The following PAXIP1 variants were observed in gnomAD, a reference collection of about 807,000 sequenced individuals.
The protein encoded by PAXIP1 is PAX interacting protein 1, also known as PAX-interacting protein 1.
A neutral mutation model predicts 140.6 loss-of-function variants in PAXIP1; 19 were observed. The ratio of observed to expected loss-of-function variants is 0.14; its 90% CI spans 0.09 to 0.20. The LOEUF is 0.20. Ranked by LOEUF, PAXIP1 falls within the 10% of genes least tolerant of loss-of-function variation. The pLI is 1.00. For synonymous variants in PAXIP1, 442 were observed against 444.6 expected (o/e 0.99, Z 0.07); for missense variants, 920 against 1,208.6 (o/e 0.76, Z 3.54).
intron 7 of PAXIP1, 80 bp from the exon 8 acceptor site, chr7:154,967,990 C>G (rs368765240): frequency 4.8e-6 from 4 of 827,858 alleles, no homozygotes; most frequent in East Asian, 2.6e-5. Flanking sequence ...TGGCGCCTCA[C>G]AATGTCAATC....
Position 154,947,880 on chromosome 7 carries a change from T to C in PAXIP1, c.2922+23A>G. 4 of 1,524,092 alleles carry C rather than the reference T, an allele frequency of 2.6e-6. No homozygotes were observed. The East Asian group carries it at 9.0e-5, about 34-fold the overall frequency. The allele number at this position is 1,524,092 out of a possible 1,614,324, so 94.4% of individuals were successfully genotyped here. A position where few individuals can be genotyped will look rare whatever the true frequency, so the allele number is the denominator to read the frequency against. On this transcript the variant is annotated intron_variant, in intron 17 of 20. Coordinates refer to ENST00000404141, the MANE Select transcript of PAXIP1 (RefSeq NM_007349.4). ...CGTGTGTTATGCTTACTTGGACTGA[T>C]TTACTTTTCCCTTAAAGTGTACCTT...
At chr7:154,976,720 G>C (rs146015196) in intron 5 of PAXIP1, among the ~76,000 whole-genome samples, 19 of 152,320 alleles carry the variant, frequency 1.2e-4, no homozygotes, top group African/African-American at 4.6e-4. Context: ...ATGACAGTTA[G>C]TAAAGTAACA....
chr7:154,981,734 T>G (rs764681349), intron 5 of PAXIP1, among the ~76,000 whole-genome samples: 2 of 152,214 alleles, frequency 1.3e-5, no homozygotes, highest in Non-Finnish European at 2.9e-5. Context: ...TAAAGCTCAA[T>G]TAAAGTATTT....
intron 16 of PAXIP1, chr7:154,950,294 A>G (rs1808217143): frequency 6.6e-6 from 1 of 152,246 alleles, no homozygotes. Flanking sequence ...AAAATGGAAC[A>G]CAGACCTAAA....
intron 2 of PAXIP1, among the ~76,000 whole-genome samples, chr7:154,997,924 C>T (rs1325965268): frequency 6.6e-6 from 1 of 152,212 alleles, no homozygotes; most frequent in Non-Finnish European, 1.5e-5. Flanking sequence ...AGTTACCTCC[C>T]GACAGGCCTT....
In PAXIP1 at chr7:154,975,768, A is replaced by G; in HGVS notation, c.1002T>C (p.Ala334=). Reference sequence around the variant, plus strand: ...TAGTAATATTCCTCAGTGTCCGTACAGCTGGACTCCAGGTAGCTATCATTT... The same window carrying G: ...TAGTAATATTCCTCAGTGTCCGTACGGCTGGACTCCAGGTAGCTATCATTT... The part of the protein sequence containing the change: ...RSEMIATWSP[A]VRTLRNITNN... The change falls in exon 6 of 21, where the codon GCT becomes GCC. Residue 334 remains alanine (A), a synonymous_variant. Transcript: ENST00000404141. 6.2e-7 allele frequency: 1 copy of G among 1,613,970 alleles called. No homozygotes were observed. Among genetic ancestry groups the G allele is most frequent in the Non-Finnish European group, 8.5e-7 (1 of 1,179,828 alleles).
chr7:154,955,932 A>G (rs1457620600), intron 14 of PAXIP1, among the ~76,000 whole-genome samples: 2 of 152,230 alleles, frequency 1.3e-5, no homozygotes, highest in African/African-American at 2.4e-5. Flanking sequence ...ATTGGCTTTC[A>G]GAAGAAAGCA....
intron 16 of PAXIP1, chr7:154,948,308 A>G (rs1808091629): frequency 3.4e-6 from 1 of 291,338 alleles, no homozygotes; most frequent in Non-Finnish European, 6.6e-6. Context: ...CACTTTGGGA[A>G]GCCGGGGAAG....
At chr7:154,979,236 A>C (rs1809732752) in intron 5 of PAXIP1, among the ~76,000 whole-genome samples, 4 of 152,166 alleles carry the variant, frequency 2.6e-5, no homozygotes, top group Non-Finnish European at 5.9e-5. Context: ...AACAACTAAT[A>C]ACCATACCCC....
chr7:154,971,787 A>C (rs145973207), intron 6 of PAXIP1, among the ~76,000 whole-genome samples: 1 of 152,350 alleles, frequency 6.6e-6, no homozygotes, highest in East Asian at 1.9e-4. Flanking sequence ...TTTGCAATTT[A>C]AACAGGATTT....
At position 154,962,360 on chromosome 7, in the gene PAXIP1, T is replaced by C; in HGVS notation, c.2088A>G (p.Pro696=). The change falls in exon 10 of 21, where the codon CCA becomes CCG. Residue 696 remains proline (P), a synonymous_variant. Coordinates refer to ENST00000404141, the MANE Select transcript of PAXIP1 (RefSeq NM_007349.4). ...GCTTTCCTCCTGGTGGGAAGGCCAC[T>C]GGGAAGTGAAGGGCTCGGTGCGGCG... The part of the protein sequence containing the change: ...MVPPHRALHF[P]VAFPPGGKPC... 4 of 1,613,990 alleles carry C rather than the reference T, an allele frequency of 2.5e-6. No homozygotes were observed. Among genetic ancestry groups the C allele is most frequent in the Non-Finnish European group, 3.4e-6 (4 of 1,179,872 alleles).
intron 1 of PAXIP1, among the ~76,000 whole-genome samples, chr7:154,999,826 C>T (rs1175379033): frequency 1.3e-5 from 2 of 152,108 alleles, no homozygotes; most frequent in Admixed American, 1.3e-4. Flanking sequence ...TAGATGGGAG[C>T]CACAGCCATG....
At chr7:154,998,125 T>TA (rs1389215028) in intron 2 of PAXIP1, among the ~76,000 whole-genome samples, 2 of 152,216 alleles carry the variant, frequency 1.3e-5, no homozygotes, top group Non-Finnish European at 2.9e-5. Flanking sequence ...AGCCATGCTC[T>TA]ACCTTGGTTT....
At chr7:154,971,422 T>TA (rs1809320955) in intron 6 of PAXIP1, among the ~76,000 whole-genome samples, 1 of 152,258 alleles carries the variant, frequency 6.6e-6, no homozygotes. Context: ...GCCGTTGGCC[T>TA]GGAACCTTCT....
At chr7:154,992,957 A>G (rs1810417270) in intron 3 of PAXIP1, among the ~76,000 whole-genome samples, 1 of 152,224 alleles carries the variant, frequency 6.6e-6, no homozygotes, top group Non-Finnish European at 1.5e-5. Flanking sequence ...GCTGCAAAAT[A>G]AAATAGAGCA....
In PAXIP1 at chr7:154,944,152, G is replaced by A; in HGVS notation, c.3207C>T (p.Asn1069=). 1 of 1,610,806 alleles carries A rather than the reference G, an allele frequency of 6.2e-7. No homozygotes were observed. Among genetic ancestry groups the A allele is most frequent in the Non-Finnish European group, 8.5e-7 (1 of 1,177,984 alleles). ...ATGCACGGCAGCCTAGACGCCATCA[G>A]TTAAACTTATATGTAGGCTTGTTGA... ...QTLDYESYKF[N] The change falls in exon 21 of 21, where the codon AAC becomes AAT. Residue 1069 remains asparagine, a synonymous_variant. Coordinates refer to ENST00000404141, the MANE Select transcript of PAXIP1 (RefSeq NM_007349.4).
intron 17 of PAXIP1, 96 bp downstream of exon 17, chr7:154,947,807 G>A (rs1808065158): frequency 3.4e-6 from 3 of 875,924 alleles, no homozygotes; most frequent in African/African-American, 3.3e-5. Flanking sequence ...CAGCTCCCCT[G>A]GAGGCGCACT....
In PAXIP1 at chr7:154,946,564, T is replaced by C; in HGVS notation, c.3081A>G (p.Ile1027Met). Residue 1027 changes from isoleucine (I) to methionine (M), a missense_variant, in exon 19 of 21, where the codon ATA (isoleucine) becomes ATG (methionine). Ile to Met is a conservative substitution (Grantham distance 10). This residue lies in a region of PAXIP1 where 303 missense variants were observed against 517.9 expected (regional missense o/e 0.59). Transcript: ENST00000404141. This position sits in a 1 kb window ranked among gnomAD's most constrained non-coding sequence, Gnocchi z 4.9. ...ATAAATGAAGGTCATTTTCACAGGA[T>C]ATTAAAATTATTTCCGACAAACTCT... The part of the protein sequence containing the change: ...QNSSLSEIIL[I>M]SCENDLHLCR... 1 of 1,613,970 alleles carries C rather than the reference T, an allele frequency of 6.2e-7. No homozygotes were observed. Among genetic ancestry groups the C allele is most frequent in the Non-Finnish European group, 8.5e-7 (1 of 1,179,846 alleles).
chr7:154,980,625 G>C (rs1484118737), intron 5 of PAXIP1, among the ~76,000 whole-genome samples: 1 of 151,968 alleles, frequency 6.6e-6, no homozygotes, highest in Non-Finnish European at 1.5e-5. Context: ...TGTTGCCCAG[G>C]CTGGTCTCAA....
Sources: allele counts gnomAD v4.1 joint callset (sites outside exome capture counted in the v4.1 genomes callset), GRCh38; gene constraint gnomAD v4.1.1; regional missense constraint gnomAD v4.1.1; non-coding constraint Gnocchi (gnomAD v3.1); transcripts MANE v1.5; gene names NCBI Gene and HGNC (gene_info 2026-07-23, HGNC 2026-07-21).